Variants in DNMT3A observed in about 807,000 individuals in gnomAD.
DNMT3A encodes DNA (cytosine-5)-methyltransferase 3A.
Under a neutral mutation model 117.6 loss-of-function variants are expected in DNMT3A, and 267 were observed. The ratio of observed to expected loss-of-function variants is 2.27; its 90% CI spans 2.05 to 2.51. DNMT3A has a LOEUF of 2.51. Ranked by LOEUF, DNMT3A falls within the 30% of genes most tolerant of loss-of-function variation. The probability of loss-of-function intolerance (pLI) is 0.00; values close to 1 mark genes in which losing one functional copy is unlikely to be tolerated. For synonymous variants in DNMT3A, 432 were observed against 474.8 expected (o/e 0.91, Z 1.17); for missense variants, 1,029 against 1,260.2 (o/e 0.82, Z 2.78).
chr2:25,253,255 G>A (rs1278479863), intron 6 of DNMT3A, among the ~76,000 whole-genome samples: 1 of 152,162 alleles, frequency 6.6e-6, no homozygotes, highest in African/African-American at 2.4e-5. Context: ...CCATTACGTT[G>A]GCTGTAGGAT....
chr2:25,228,542 C>A lies in DNMT3A; in HGVS notation c.*5737G>T, dbSNP rs1672760768. On this transcript the variant is annotated 3_prime_UTR_variant, in exon 23 of 23. Coordinates refer to ENST00000321117, the MANE Select transcript of DNMT3A (RefSeq NM_022552.5). The stretch of plus-strand genomic sequence containing the variant: ...CTACTTCAATGCCTCAGCTAAAACA[C>A]ATGAAATCGCTCATTTAGTTTTCAA... The A allele has an allele frequency of 6.6e-6, 1 of 152,154 alleles. No individual in the cohort carries two copies. The highest frequency in any genetic ancestry group is 1.5e-5 in the Non-Finnish European group (1 of 68,028). 9.4% of individuals were successfully genotyped at this position (152,154 alleles called of 1,614,324 possible). A position where few individuals can be genotyped will look rare whatever the true frequency, so the allele number is the denominator to read the frequency against.
At chr2:25,300,032 C>T (rs2033338054) in intron 3 of DNMT3A, 107 bp downstream of exon 3, 1 of 1,210,798 alleles carries the variant, frequency 8.3e-7, no homozygotes. Context: ...ATCACCTGGT[C>T]TTAAATGTCT....
Position 25,234,547 on chromosome 2 carries a change from ACACC to A in DNMT3A, c.2598-131_2598-128del. 9.6e-7 allele frequency: 1 copy of A among 1,043,634 alleles called. No homozygotes were observed. The highest frequency in any genetic ancestry group is 1.3e-6 in the Non-Finnish European group (1 of 740,880). 64.6% of individuals were successfully genotyped at this position (1,043,634 alleles called of 1,614,324 possible). A position where few individuals can be genotyped will look rare whatever the true frequency, so the allele number is the denominator to read the frequency against. ...CCGAAGTGCAGGGACAGGGGCACTC[ACACC>A]CACCAACTCCTCTGACGCCTGCTTA... On this transcript the variant is annotated intron_variant, in intron 22 of 22. Coordinates refer to ENST00000321117, the MANE Select transcript of DNMT3A (RefSeq NM_022552.5). This position sits in a 1 kb window ranked among gnomAD's most constrained non-coding sequence, Gnocchi z 4.5.
Position 25,247,145 on chromosome 2 carries a change from T to C in DNMT3A, c.1028A>G (p.Lys343Arg). 1 of 1,613,976 alleles carries C rather than the reference T, an allele frequency of 6.2e-7. No homozygotes were observed. Among genetic ancestry groups the C allele is most frequent in the Non-Finnish European group, 8.5e-7 (1 of 1,179,944 alleles). Residue 343 changes from lysine (K) to arginine (R), a missense_variant, in exon 9 of 23, where the codon AAG becomes AGG. By Grantham distance (26) the Lys-to-Arg change is conservative. Coordinates refer to ENST00000321117, the MANE Select transcript of DNMT3A (RefSeq NM_022552.5). This position sits in a 1 kb window ranked among gnomAD's most constrained non-coding sequence, Gnocchi z 5.6. The part of the protein sequence containing the change: ...DGKFSVVCVE[K>R]LMPLSSFCSA... Reference sequence around the variant, plus strand: ...GCAAAACGAGCTCAGCGGCATCAGCTTCTCAACACACACCTGGGGGGACAA... The same window carrying C: ...GCAAAACGAGCTCAGCGGCATCAGCCTCTCAACACACACCTGGGGGGACAA...
At chr2:25,290,074 C>A (rs1333151527) in intron 3 of DNMT3A, among the ~76,000 whole-genome samples, 1 of 152,172 alleles carries the variant, frequency 6.6e-6, no homozygotes, top group African/African-American at 2.4e-5. Context: ...CTCAAGCAAT[C>A]TTCCCGCCTC....
intron 5 of DNMT3A, 149 bp from the exon 6 acceptor site, chr2:25,275,236 G>A: frequency 1.6e-6 from 2 of 1,234,888 alleles, no homozygotes; most frequent in Non-Finnish European, 2.2e-6. Context: ...TGGGCTGGAG[G>A]AGCGAGGGGC....
chr2:25,262,522 CCAGA>C (rs1449064200), intron 6 of DNMT3A, among the ~76,000 whole-genome samples: 3 of 152,148 alleles, frequency 2.0e-5, no homozygotes, highest in African/African-American at 4.8e-5. Context: ...GCTCCCAATA[CCAGA>C]CAAATTTTTC....
chr2:25,245,203 G>A (rs1265423959), intron 13 of DNMT3A, 50 bp downstream of exon 13: 5 of 1,574,936 alleles, frequency 3.2e-6, no homozygotes, highest in Non-Finnish European at 4.4e-6. Context: ...CAGCCAGAAG[G>A]CCGAAGGGCC....
At chr2:25,268,101 G>A (rs1208731676) in intron 6 of DNMT3A, among the ~76,000 whole-genome samples, 1 of 152,212 alleles carries the variant, frequency 6.6e-6, no homozygotes, top group African/African-American at 2.4e-5. Flanking sequence ...GGCGGAGGGA[G>A]TGGGTTGTAT....
chr2:25,315,573 G>A (rs1031920615), intron 1 of DNMT3A, among the ~76,000 whole-genome samples: 2 of 152,228 alleles, frequency 1.3e-5, no homozygotes, highest in Non-Finnish European at 2.9e-5. Context: ...CAGCTCCATC[G>A]GCCACATGCC....
At chr2:25,328,328 C>T (rs577332599) in intron 1 of DNMT3A, among the ~76,000 whole-genome samples, 1 of 152,238 alleles carries the variant, frequency 6.6e-6, no homozygotes, top group East Asian at 1.9e-4. Context: ...GCCGTGCCCC[C>T]ACCTCTCCCA....
chr2:25,251,495 T>A (rs1281911598), intron 6 of DNMT3A, among the ~76,000 whole-genome samples: 2 of 152,112 alleles, frequency 1.3e-5, no homozygotes, highest in African/African-American at 4.8e-5. Context: ...CTCCGGTGAC[T>A]ACTGCCTCCG....
intron 1 of DNMT3A, 77 bp from the exon 2 acceptor site, chr2:25,314,238 C>A: frequency 7.4e-7 from 1 of 1,360,076 alleles, no homozygotes; most frequent in Non-Finnish European, 9.4e-7. Context: ...CAGGGCCACA[C>A]CTGGCCTGTG....
At chr2:25,284,309 C>CT (rs1418378080) in intron 3 of DNMT3A, among the ~76,000 whole-genome samples, 3 of 151,622 alleles carry the variant, frequency 2.0e-5, no homozygotes, top group East Asian at 1.9e-4. Flanking sequence ...TCTTTCTTGT[C>CT]TTTTTTTTTC....
At chr2:25,326,008 G>C (rs959534711) in intron 1 of DNMT3A, among the ~76,000 whole-genome samples, 1 of 152,114 alleles carries the variant, frequency 6.6e-6, no homozygotes, top group Admixed American at 6.5e-5. Flanking sequence ...GGGATAAGAA[G>C]ACAATGAAGC....
In DNMT3A at chr2:25,280,162, CT is replaced by C. The variant is rs1221953211; in HGVS notation, c.448+2278del. Among the ~76,000 whole-genome samples the C allele has an allele frequency of 7.2e-5, 11 of 152,274 alleles. 1 individual carries two copies. In the East Asian group the frequency reaches 2.1e-3, roughly 29 times the overall value. ...CCTGGCATTTGTCCCCTCCCTTCAT[CT>C]CTGCTGCCATCCTGCTCATCAGCCC... On this transcript the variant is annotated intron_variant, in intron 4 of 22. Coordinates refer to ENST00000321117, the MANE Select transcript of DNMT3A (RefSeq NM_022552.5).
intron 1 of DNMT3A, among the ~76,000 whole-genome samples, chr2:25,338,649 GC>G (rs953852443): frequency 6.6e-6 from 1 of 152,202 alleles, no homozygotes. Flanking sequence ...ACCCAGGGAG[GC>G]AAGGCCCCTG....
intron 4 of DNMT3A, among the ~76,000 whole-genome samples, chr2:25,276,967 G>A (rs1432252327): frequency 6.6e-6 from 1 of 152,226 alleles, no homozygotes; most frequent in African/African-American, 2.4e-5. Flanking sequence ...GTTTTGGGCT[G>A]ACCCCGGGCG....
At chr2:25,312,167 G>A (rs1299765571) in intron 2 of DNMT3A, among the ~76,000 whole-genome samples, 2 of 152,224 alleles carry the variant, frequency 1.3e-5, no homozygotes, top group African/African-American at 4.8e-5. Flanking sequence ...AAGCAAGCCA[G>A]GCCCAAGAAG....
Sources: allele counts gnomAD v4.1 joint callset (sites outside exome capture counted in the v4.1 genomes callset), GRCh38; gene constraint gnomAD v4.1.1; non-coding constraint Gnocchi (gnomAD v3.1); transcripts MANE v1.5; gene names NCBI Gene and HGNC (gene_info 2026-07-23, HGNC 2026-07-21).